The following ARHGAP26 variants were observed in gnomAD, a reference collection of about 807,000 sequenced individuals.
ARHGAP26 encodes the protein rho GTPase-activating protein 26.
In ARHGAP26, 38 loss-of-function variants were observed where a neutral mutation model predicts 104.8. The observed-to-expected ratio is 0.36, with a 90% confidence interval of 0.28 to 0.48. The LOEUF (loss-of-function observed/expected upper bound fraction) is 0.48, where lower values mean the gene tolerates loss of function less well. Among genes scored for constraint, ARHGAP26 ranks in the 20% least tolerant of loss-of-function variants. ARHGAP26 has a pLI of 0.99. For synonymous variants in ARHGAP26, 341 were observed against 340.0 expected (o/e 1.00, Z -0.03); for missense variants, 704 against 947.9 (o/e 0.74, Z 3.38).
chr5:143,039,656 A>G (rs1783160429), intron 13 of ARHGAP26, among the ~76,000 whole-genome samples: 2 of 152,092 alleles, frequency 1.3e-5, no homozygotes, highest in African/African-American at 4.8e-5. Flanking sequence ...AAGTTCATAT[A>G]CTTGCTTGAG....
intron 20 of ARHGAP26, chr5:143,168,530 A>G (rs529598047): frequency 1.5e-5 from 2 of 133,200 alleles, no homozygotes; most frequent in Non-Finnish European, 3.1e-5. Context: ...GTCACACAAG[A>G]TCTTACGACA....
intron 13 of ARHGAP26, among the ~76,000 whole-genome samples, chr5:143,039,450 C>T (rs983544580): frequency 2.0e-5 from 3 of 152,020 alleles, no homozygotes; most frequent in Non-Finnish European, 4.4e-5. Flanking sequence ...AAGTGATCTG[C>T]CCACCTTGGC....
chr5:143,083,168 G>T (rs1395481825), intron 17 of ARHGAP26, among the ~76,000 whole-genome samples: 2 of 152,108 alleles, frequency 1.3e-5, no homozygotes, highest in Non-Finnish European at 2.9e-5. Flanking sequence ...AGGTGTCATT[G>T]TTTCCTAGCT....
intron 14 of ARHGAP26, among the ~76,000 whole-genome samples, chr5:143,045,908 C>T (rs893602640): frequency 4.4e-4 from 67 of 152,048 alleles, no homozygotes; most frequent in Admixed American, 9.8e-4. Context: ...TCAAGGTGAG[C>T]GATCACCTGA....
intron 13 of ARHGAP26, among the ~76,000 whole-genome samples, chr5:143,039,613 G>A (rs575727588): frequency 7.3e-5 from 11 of 151,090 alleles, no homozygotes; most frequent in African/African-American, 2.4e-4. Flanking sequence ...AGCCAAAAGC[G>A]AGTCTAAAAA....
At chr5:143,018,153 T>A (rs1779842594) in intron 12 of ARHGAP26, among the ~76,000 whole-genome samples, 1 of 152,252 alleles carries the variant, frequency 6.6e-6, no homozygotes, top group African/African-American at 2.4e-5. Flanking sequence ...TTCTGTTAAT[T>A]GCCTATTCAT....
intron 20 of ARHGAP26, among the ~76,000 whole-genome samples, chr5:143,200,481 A>C (rs1807525794): frequency 6.6e-6 from 1 of 152,354 alleles, no homozygotes; most frequent in Non-Finnish European, 1.5e-5. Context: ...ACCATACAAT[A>C]GAACAGCCTG....
At chr5:143,077,080 T>TA in intron 17 of ARHGAP26, among the ~76,000 whole-genome samples, 1 of 152,370 alleles carries the variant, frequency 6.6e-6, no homozygotes, top group African/African-American at 2.4e-5. Context: ...ATATGCCTGA[T>TA]AGACTTTTCA....
chr5:143,054,531 G>GTCTTCA lies in ARHGAP26; in HGVS notation c.1373+5_1373+6insTCTTCA. The GTCTTCA allele has an allele frequency of 6.3e-7, 1 of 1,599,264 alleles. No homozygotes were observed. Among genetic ancestry groups the GTCTTCA allele is most frequent in the Non-Finnish European group, 8.5e-7 (1 of 1,170,980 alleles). ...TGCTCTGAAGACCTACCTAAGGTAG[G>GTCTTCA]GACTTTCCATTTGCAAGGCAGAGTG... On this transcript the variant is annotated splice_donor_region_variant and intron_variant, in intron 15 of 22. Transcript: ENST00000645722.
chr5:142,832,173 T>A (rs900097188), intron 1 of ARHGAP26, among the ~76,000 whole-genome samples: 2 of 152,196 alleles, frequency 1.3e-5, no homozygotes, highest in African/African-American at 4.8e-5. Context: ...GTGAGTGAAG[T>A]GTTATCTGTT....
intron 10 of ARHGAP26, among the ~76,000 whole-genome samples, chr5:142,918,981 A>C (rs1303863584): frequency 3.3e-5 from 5 of 152,224 alleles, no homozygotes; most frequent in Non-Finnish European, 5.9e-5. Context: ...AACTTGTAGT[A>C]GTTGTGTGGT....
chr5:142,804,651 C>T (rs987617393), intron 1 of ARHGAP26, among the ~76,000 whole-genome samples: 1 of 152,010 alleles, frequency 6.6e-6, no homozygotes. Context: ...GCCACCACAC[C>T]CAGCTAATTT....
intron 19 of ARHGAP26, among the ~76,000 whole-genome samples, chr5:143,141,867 C>T (rs1798578042): frequency 6.6e-6 from 1 of 152,210 alleles, no homozygotes; most frequent in African/African-American, 2.4e-5. Flanking sequence ...TAGGGCCAGT[C>T]TTCCTCATTG....
intron 1 of ARHGAP26, among the ~76,000 whole-genome samples, chr5:142,839,824 C>T (rs1770383325): frequency 2.0e-5 from 3 of 148,496 alleles, no homozygotes; most frequent in African/African-American, 7.5e-5. Context: ...GTCCAAAGAG[C>T]TCAGAGACTG....
chr5:142,875,094 C>G lies in ARHGAP26; in HGVS notation c.251-16C>G. The G allele has an allele frequency of 6.2e-7, 1 of 1,613,082 alleles. No homozygotes were observed. The highest frequency in any genetic ancestry group is 1.3e-5 in the African/African-American group (1 of 74,964). ...ATGACACTCCTTCCACCTCATGGCC[C>G]CTTTCTGTTTTCCAGCAAGATCTTT... On this transcript the variant is annotated splice_polypyrimidine_tract_variant and intron_variant, in intron 2 of 22. Transcript: ENST00000645722.
rs761133300 is a variant in ARHGAP26 at position 143,121,159 on chromosome 5, T to C, written c.1698+12T>C. On this transcript the variant is annotated intron_variant, in intron 18 of 22. Coordinates refer to ENST00000645722, the MANE Select transcript of ARHGAP26 (RefSeq NM_001135608.3). Reference sequence around the variant, plus strand: ...AAAACCACGAAAAGGTAATATGTAATTGATCACTTGCAGTGAAGAATGTAC... The same window carrying C: ...AAAACCACGAAAAGGTAATATGTAACTGATCACTTGCAGTGAAGAATGTAC... 2.3e-5 allele frequency: 37 copies of C among 1,609,428 alleles called. No homozygotes were observed. Among genetic ancestry groups the C allele is most frequent in the Non-Finnish European group, 3.1e-5 (37 of 1,176,930 alleles).
chr5:142,900,471 A>G (rs1760149660), intron 6 of ARHGAP26, among the ~76,000 whole-genome samples: 1 of 152,036 alleles, frequency 6.6e-6, no homozygotes. Context: ...TAAGGGCCAT[A>G]TTGTCATAAT....
intron 12 of ARHGAP26, chr5:143,014,414 A>T (rs1428417617): frequency 2.4e-6 from 1 of 409,576 alleles, no homozygotes; most frequent in Non-Finnish European, 4.4e-6. Flanking sequence ...TTAAGACTAT[A>T]GCTCGTCACC....
At chr5:143,221,918 A>G (rs923769355) in intron 22 of ARHGAP26, among the ~76,000 whole-genome samples, 5 of 125,766 alleles carry the variant, frequency 4.0e-5, no homozygotes, top group Non-Finnish European at 8.1e-5. Context: ...GGGTGGGTGG[A>G]TGGATGGAAG....
Sources: allele counts gnomAD v4.1 joint callset (sites outside exome capture counted in the v4.1 genomes callset), GRCh38; gene constraint gnomAD v4.1.1; transcripts MANE v1.5; gene names NCBI Gene and HGNC (gene_info 2026-07-23, HGNC 2026-07-21).